Variants in LRRC40 observed in about 807,000 individuals in gnomAD.
LRRC40 encodes leucine-rich repeat-containing protein 40.
A neutral mutation model predicts 72.8 loss-of-function variants in LRRC40; 76 were observed. The ratio of observed to expected loss-of-function variants is 1.04; its 90% CI spans 0.87 to 1.26. The LOEUF is 1.26. Ranked by LOEUF, LRRC40 falls within the 50% of genes most tolerant of loss-of-function variation. The pLI is 0.00. For synonymous variants in LRRC40, 243 were observed against 254.2 expected, an observed-to-expected ratio of 0.96 and a Z score of 0.42; for missense variants, 684 against 698.9, an observed-to-expected ratio of 0.98 and a Z score of 0.24.
chr1:70,178,149 A>G (rs1183401709), intron 6 of LRRC40, among the ~76,000 whole-genome samples: 1 of 152,182 alleles, frequency 6.6e-6, no homozygotes, highest in Non-Finnish European at 1.5e-5. Context: ...AAAGCTACAC[A>G]CAGATTTTCA....
Position 70,173,647 on chromosome 1 carries a change from C to A in LRRC40, c.1040G>T (p.Arg347Ile), listed in dbSNP as rs1169015571. The A allele has an allele frequency of 6.4e-7, 1 of 1,574,310 alleles. No homozygotes were observed. Among genetic ancestry groups the A allele is most frequent in the East Asian group, 2.3e-5 (1 of 44,212 alleles). Residue 347 changes from arginine (R) to isoleucine (I), a missense_variant, in exon 8 of 15, where the codon AGA becomes ATA. Physicochemically the swap from Arg to Ile is moderately conservative, Grantham distance 97 (BLOSUM62 -3). Transcript: ENST00000370952. ...KFLALEGNPL[R>I]TIRREIISKG... is the part of the protein sequence containing the mutation. ...ACTTATAATTTCTCTTCGAATTGTT[C>A]TCAAAGGATTTCCTTCTAATGCCAA... is the stretch of plus-strand genomic sequence containing the variant.
At position 70,159,356 on chromosome 1, in the gene LRRC40, G is replaced by T. The variant is rs1337779369; in HGVS notation, c.1194C>A (p.Ile398=). The change falls in exon 10 of 15, where the codon ATC becomes ATA. Residue 398 remains isoleucine, a synonymous_variant. Coordinates refer to ENST00000370952, the MANE Select transcript of LRRC40 (RefSeq NM_017768.5). ...TATAGTCTAATATTTTTAATGTAAT[G>T]ATGGCATGTATATTGACTCTGGATT... ...PSESRVNIHA[I]ITLKILDYSD... is the part of the protein sequence containing the mutation. 1.3e-6 allele frequency: 2 copies of T among 1,527,150 alleles called. No homozygotes were observed. Among genetic ancestry groups the T allele is most frequent in the East Asian group, 4.6e-5 (2 of 43,554 alleles). The allele number at this position is 1,527,150 out of a possible 1,614,324, so 94.6% of individuals were successfully genotyped here. A position where few individuals can be genotyped will look rare whatever the true frequency, so the allele number is the denominator to read the frequency against.
chr1:70,146,364 AT>A (rs940285285), intron 14 of LRRC40, among the ~76,000 whole-genome samples: 3 of 152,182 alleles, frequency 2.0e-5, no homozygotes, highest in African/African-American at 7.2e-5. Context: ...AAACATTAGA[AT>A]TATAACTAAT....
chr1:70,196,883 T>A (rs958838604), intron 1 of LRRC40, among the ~76,000 whole-genome samples: 1 of 152,200 alleles, frequency 6.6e-6, no homozygotes, highest in African/African-American at 2.4e-5. Flanking sequence ...AACATACTCT[T>A]TGTAAATGAT....
In LRRC40 at chr1:70,151,131, T is replaced by C; in HGVS notation, c.1514A>G (p.Asn505Ser). The C allele has an allele frequency of 6.6e-7, 1 of 1,524,028 alleles. No homozygotes were observed. The highest frequency in any genetic ancestry group is 9.1e-7 in the Non-Finnish European group (1 of 1,100,694). The allele number at this position is 1,524,028 out of a possible 1,614,324, so 94.4% of individuals were successfully genotyped here. Residue 505 changes from asparagine to serine, a missense_variant, in exon 13 of 15, where the codon AAT becomes AGT. Physicochemically the swap from Asn to Ser is conservative, Grantham distance 46. Coordinates refer to ENST00000370952, the MANE Select transcript of LRRC40 (RefSeq NM_017768.5). The stretch of plus-strand genomic sequence containing the variant: ...TTAGAATTGTCTGTTCTCTTACCTA[T>C]TAAAGGAAAGATTGATCGTTTGCAG... ...VRLQTINLSFNRFKMLPEVLY... is the reference protein window; with the variant it reads ...VRLQTINLSFSRFKMLPEVLY...
intron 5 of LRRC40, chr1:70,180,192 C>T (rs1668211698): frequency 6.6e-6 from 1 of 152,052 alleles, no homozygotes; most frequent in South Asian, 2.1e-4. Flanking sequence ...AGTGGATATT[C>T]AAAGGGGCAA....
chr1:70,205,300 G>C, intron 1 of LRRC40, 90 bp downstream of exon 1: 1 of 1,282,864 alleles, frequency 7.8e-7, no homozygotes, highest in Non-Finnish European at 1.1e-6. Context: ...CTGAGAAAGG[G>C]GGCCAAAGCC....
rs2274880 is a variant in LRRC40 at position 70,155,592 on chromosome 1, A to C, written c.1328+97T>G. ...TGTAAAAATTTTTACATATAGTTTTAAATTTAAAAACCAATATGGAAAAAC... is the reference window on the plus strand; with the variant it reads ...TGTAAAAATTTTTACATATAGTTTTCAATTTAAAAACCAATATGGAAAAAC... On this transcript the variant is annotated intron_variant, in intron 11 of 14. Transcript: ENST00000370952. The C allele has an allele frequency of 6.2e-4, 297 of 478,726 alleles. 1 individual carries two copies. In the East Asian group the frequency reaches 9.8e-3, roughly 16 times the overall value. 29.7% of individuals were successfully genotyped at this position (478,726 alleles called of 1,614,324 possible). A position where few individuals can be genotyped will look rare whatever the true frequency, so the allele number is the denominator to read the frequency against.
chr1:70,175,424 G>A (rs1231582245), intron 7 of LRRC40, among the ~76,000 whole-genome samples: 2 of 152,086 alleles, frequency 1.3e-5, no homozygotes, highest in Non-Finnish European at 2.9e-5. Flanking sequence ...TTTTCTTAAT[G>A]TTTCTCAAAT....
chr1:70,182,785 T>C (rs181119355), intron 4 of LRRC40, among the ~76,000 whole-genome samples: 3 of 152,140 alleles, frequency 2.0e-5, no homozygotes, highest in Admixed American at 2.0e-4. Context: ...CTAGTTTAAA[T>C]TATAGGTGTT....
At chr1:70,191,898 G>A (rs1166633189) in intron 1 of LRRC40, among the ~76,000 whole-genome samples, 3 of 152,110 alleles carry the variant, frequency 2.0e-5, no homozygotes, top group Non-Finnish European at 4.4e-5. Flanking sequence ...AAATCAGGTG[G>A]TGTGATGCCT....
intron 1 of LRRC40, among the ~76,000 whole-genome samples, chr1:70,203,154 CAG>C (rs553391757): frequency 5.9e-4 from 89 of 152,034 alleles, no homozygotes; most frequent in Admixed American, 2.1e-3. Context: ...CTCAATTTGC[CAG>C]AGTGCTGGGA....
chr1:70,196,292 A>AT (rs1315644348), intron 1 of LRRC40, among the ~76,000 whole-genome samples: 1 of 152,190 alleles, frequency 6.6e-6, no homozygotes, highest in African/African-American at 2.4e-5. Context: ...GCTCATGCCC[A>AT]TAATTGCAGC....
At chr1:70,162,407 C>G (rs1256234484) in intron 9 of LRRC40, among the ~76,000 whole-genome samples, 1 of 152,106 alleles carries the variant, frequency 6.6e-6, no homozygotes, top group Non-Finnish European at 1.5e-5. Flanking sequence ...ATCACCCTAA[C>G]ATGGGAACTT....
intron 13 of LRRC40, among the ~76,000 whole-genome samples, chr1:70,149,603 T>C (rs975332791): frequency 6.6e-6 from 1 of 152,152 alleles, no homozygotes; most frequent in African/African-American, 2.4e-5. Flanking sequence ...GTTAGCTCAA[T>C]TGACAACACA....
chr1:70,196,789 T>C (rs1436241520), intron 1 of LRRC40, among the ~76,000 whole-genome samples: 1 of 152,192 alleles, frequency 6.6e-6, no homozygotes, highest in Non-Finnish European at 1.5e-5. Context: ...ATGTTGGAAA[T>C]GTTCTATATC....
chr1:70,201,501 G>C (rs1178090873), intron 1 of LRRC40, among the ~76,000 whole-genome samples: 1 of 152,030 alleles, frequency 6.6e-6, no homozygotes, highest in Non-Finnish European at 1.5e-5. Flanking sequence ...TTGCTGAGCA[G>C]AAACAAGTGG....
In LRRC40 at chr1:70,159,434, A is replaced by T; in HGVS notation, c.1116T>A (p.Asp372Glu). The T allele has an allele frequency of 1.3e-6, 2 of 1,522,622 alleles. No individual in the cohort carries two copies. The highest frequency in any genetic ancestry group is 1.8e-6 in the Non-Finnish European group (2 of 1,107,634). The allele number at this position is 1,522,622 out of a possible 1,614,324, so 94.3% of individuals were successfully genotyped here. A position where few individuals can be genotyped will look rare whatever the true frequency, so the allele number is the denominator to read the frequency against. The change falls in exon 10 of 15, where the codon GAT (aspartate) becomes GAA (glutamate). Residue 372 changes from aspartate to glutamate, a missense_variant. By Grantham distance (45) the Asp-to-Glu change is conservative. Coordinates refer to ENST00000370952, the MANE Select transcript of LRRC40 (RefSeq NM_017768.5). ...LKYLRSKIKD[D>E]GPSQSESATE... ...TAGCAGACTCACTTTGGCTAGGTCC[A>T]TCATCTGGCAAAAGAAAACTTATAT... is the stretch of plus-strand genomic sequence containing the variant.
chr1:70,198,751 G>T (rs1668669137), intron 1 of LRRC40, among the ~76,000 whole-genome samples: 1 of 151,962 alleles, frequency 6.6e-6, no homozygotes, highest in Admixed American at 6.6e-5. Context: ...TCATAAGATG[G>T]ACTATTATAC....
Sources: allele counts gnomAD v4.1 joint callset (sites outside exome capture counted in the v4.1 genomes callset), GRCh38; gene constraint gnomAD v4.1.1; transcripts MANE v1.5; gene names NCBI Gene and HGNC (gene_info 2026-07-23, HGNC 2026-07-21).